The following CORO7 variants were observed in gnomAD, a reference collection of about 807,000 sequenced individuals.
CORO7 encodes coronin-7.
A neutral mutation model predicts 126.6 loss-of-function variants in CORO7; 107 were observed. The ratio of observed to expected loss-of-function variants is 0.85; its 90% CI spans 0.72 to 0.99. CORO7 has a LOEUF of 0.99. Among genes scored for constraint, CORO7 ranks in the 50% least tolerant of loss-of-function variants. CORO7 has a pLI of 0.00. For synonymous variants in CORO7, 603 were observed against 536.8 expected, an observed-to-expected ratio of 1.12 and a Z score of -1.70; for missense variants, 1,314 against 1,255.8, an observed-to-expected ratio of 1.05 and a Z score of -0.70.
chr16:4,388,775 C>T lies in CORO7; in HGVS notation c.616-144G>A, dbSNP rs548869544. The stretch of plus-strand genomic sequence containing the variant: ...GTGGGAAGGGCTGGGTCCTTCTCCA[C>T]GTCCCCACTGGGACCAAGGGTGGTC... On this transcript the variant is annotated intron_variant, in intron 7 of 27. Transcript: ENST00000251166. The T allele has an allele frequency of 1.1e-4, 101 of 892,874 alleles. No homozygotes were observed. In the East Asian group the frequency reaches 1.5e-3, roughly 14 times the overall value. 55.3% of individuals were successfully genotyped at this position (892,874 alleles called of 1,614,324 possible). A position where few individuals can be genotyped will look rare whatever the true frequency, so the allele number is the denominator to read the frequency against.
chr16:4,388,128 C>G (rs776449965), intron 8 of CORO7, 60 bp from the exon 9 acceptor site: 207 of 1,562,206 alleles, frequency 1.3e-4, no homozygotes, highest in Non-Finnish European at 1.7e-4. Flanking sequence ...ACCCGGGGGG[C>G]TCCCAGGGAA....
Position 4,412,401 on chromosome 16 carries a change from G to C in CORO7, c.187C>G (p.Gln63Glu). The part of the protein sequence containing the change: ...GVLGIVPLQG[Q>E]GEDKRRVAHL... ...GCCACGCGTCGCTTGTCCTCTCCTT[G>C]GCCTTGCAGAGGCACAATGCCCAGT... Residue 63 changes from glutamine to glutamate, a missense_variant, in exon 3 of 28, where the codon CAA (glutamine) becomes GAA (glutamate). Coordinates refer to ENST00000251166, the MANE Select transcript of CORO7 (RefSeq NM_024535.5). The C allele has an allele frequency of 1.2e-6, 2 of 1,614,122 alleles. No individual in the cohort carries two copies. The highest frequency in any genetic ancestry group is 1.3e-5 in the African/African-American group (1 of 75,016).
At position 4,364,705 on chromosome 16, in the gene CORO7, C is replaced by G. The variant is rs375428900; in HGVS notation, c.1045-16G>C. 1.3e-6 allele frequency: 2 copies of G among 1,586,416 alleles called. No homozygotes were observed. The highest frequency in any genetic ancestry group is 1.7e-6 in the Non-Finnish European group (2 of 1,167,020). ...ACTCCACAGCCTGGCCGCAGACAAG[C>G]AGGCAGCTAGTGAGGCCCAGGCCCC... is the stretch of plus-strand genomic sequence containing the variant. On this transcript the variant is annotated splice_polypyrimidine_tract_variant and intron_variant, in intron 12 of 27. Coordinates refer to ENST00000251166, the MANE Select transcript of CORO7 (RefSeq NM_024535.5).
At chr16:4,364,546 GC>G (rs1219767846) in intron 13 of CORO7, 50 bp downstream of exon 13, 1 of 1,528,970 alleles carries the variant, frequency 6.5e-7, no homozygotes, top group Admixed American at 2.0e-5. Context: ...GCCACACGGG[GC>G]TACCAGGGAC....
intron 9 of CORO7, among the ~76,000 whole-genome samples, chr16:4,371,682 G>A (rs191942487): frequency 1.2e-4 from 18 of 152,390 alleles, no homozygotes; most frequent in African/African-American, 3.8e-4. Flanking sequence ...GCGCAGGTCA[G>A]GTGGCCGCAG....
At chr16:4,408,401 T>C in intron 3 of CORO7, 150 bp from the exon 4 acceptor site, 5 of 1,150,054 alleles carry the variant, frequency 4.3e-6, no homozygotes, top group Non-Finnish European at 6.2e-6. Context: ...TGGGGGCAAA[T>C]GCCACAGGCC....
At chr16:4,379,321 G>A (rs189900270) in intron 9 of CORO7, among the ~76,000 whole-genome samples, 285 of 152,206 alleles carry the variant, frequency 1.9e-3, no homozygotes, top group African/African-American at 6.3e-3. Context: ...GTGCCAAAGT[G>A]GGGAGGGCTC....
chr16:4,359,444 C>T, intron 22 of CORO7, 36 bp downstream of exon 22: 6 of 1,613,482 alleles, frequency 3.7e-6, no homozygotes, highest in Non-Finnish European at 5.1e-6. Flanking sequence ...CCCCCACCAC[C>T]TCTCACCTGC....
rs767505758 is a variant in CORO7, at chr16:4,407,654, G to C, written c.334C>G (p.Gln112Glu). Residue 112 changes from glutamine (Q) to glutamate (E), a missense_variant, in exon 5 of 28, where the codon CAG (glutamine) becomes GAG (glutamate). Gln to Glu is a conservative substitution (Grantham distance 29, BLOSUM62 2). Transcript: ENST00000251166. ...VKLWRLPGPG[Q>E]ALPSAPGVVL... ...ACCCCGGGTGCTGAGGGCAGGGCCT[G>C]GCCAGGCCCTGGCAGTCGCCAGAGT... The C allele has an allele frequency of 6.2e-7, 1 of 1,603,564 alleles. No individual in the cohort carries two copies. The highest frequency in any genetic ancestry group is 8.5e-7 in the Non-Finnish European group (1 of 1,176,248).
intron 3 of CORO7, among the ~76,000 whole-genome samples, chr16:4,410,997 A>T (rs2056185558): frequency 6.6e-6 from 1 of 152,230 alleles, no homozygotes; most frequent in Non-Finnish European, 1.5e-5. Context: ...TGGAGGTGGA[A>T]ATGGATTAAC....
chr16:4,373,133 G>A (rs2054593002), intron 9 of CORO7, among the ~76,000 whole-genome samples: 1 of 152,178 alleles, frequency 6.6e-6, no homozygotes, highest in African/African-American at 2.4e-5. Context: ...AACAGAGCTG[G>A]GGCAGGCGGG....
chr16:4,388,130 C>T (rs759189830), intron 8 of CORO7, 62 bp from the exon 9 acceptor site: 5 of 1,551,660 alleles, frequency 3.2e-6, no homozygotes, highest in Non-Finnish European at 4.4e-6. Context: ...CCGGGGGGCT[C>T]CCAGGGAAAC....
intron 7 of CORO7, among the ~76,000 whole-genome samples, chr16:4,394,309 C>T (rs944796978): frequency 3.6e-4 from 54 of 151,922 alleles, no homozygotes; most frequent in African/African-American, 1.2e-3. Flanking sequence ...AATAGCCGGG[C>T]GTGGTGGCGG....
chr16:4,355,360 T>C lies in CORO7; in HGVS notation c.2698A>G (p.Met900Val), dbSNP rs1253888268. 4.3e-6 allele frequency: 7 copies of C among 1,610,990 alleles called. No individual in the cohort carries two copies. The highest frequency in any genetic ancestry group is 2.2e-5 in the East Asian group (1 of 44,884). The change falls in exon 27 of 28, where the codon ATG becomes GTG. Residue 900 changes from methionine to valine, a missense_variant. By Grantham distance (21) the Met-to-Val change is conservative. Coordinates refer to ENST00000251166, the MANE Select transcript of CORO7 (RefSeq NM_024535.5). ...TCCCGGTTCCCCAGTTTTGCCACCA[T>C]GGCATTCAGCAGCTGGGAGAGAGGG... ...QQKKEELLNAMVAKLGNREDP... is the reference protein window; with the variant it reads ...QQKKEELLNAVVAKLGNREDP...
chr16:4,387,060 G>A (rs1024701369), intron 9 of CORO7, among the ~76,000 whole-genome samples: 5 of 152,176 alleles, frequency 3.3e-5, no homozygotes, highest in East Asian at 3.9e-4. Context: ...TGACATTCTC[G>A]GATCCCCCTG....
At chr16:4,403,257 G>C (rs2055878550) in intron 6 of CORO7, among the ~76,000 whole-genome samples, 1 of 152,174 alleles carries the variant, frequency 6.6e-6, no homozygotes, top group Admixed American at 6.5e-5. Flanking sequence ...CCCTACCACA[G>C]TCAGGCCGCC....
chr16:4,389,132 G>T (rs1266310093), intron 7 of CORO7, among the ~76,000 whole-genome samples: 3 of 152,322 alleles, frequency 2.0e-5, no homozygotes, highest in African/African-American at 7.2e-5. Flanking sequence ...CGTGTAAACT[G>T]GGGGATTTCG....
intron 7 of CORO7, among the ~76,000 whole-genome samples, chr16:4,392,719 T>A (rs1415727231): frequency 6.6e-6 from 1 of 152,218 alleles, no homozygotes; most frequent in Non-Finnish European, 1.5e-5. Context: ...GCCCCTCGGC[T>A]CACACCGGCC....
Position 4,360,346 on chromosome 16 carries a change from C to T in CORO7, c.2040G>A (p.Lys680=), listed in dbSNP as rs1230372481. 7 of 1,613,614 alleles carry T rather than the reference C, an allele frequency of 4.3e-6. No individual in the cohort carries two copies. The East Asian group carries it at 1.6e-4, about 36-fold the overall frequency. The change falls in exon 21 of 28, where the codon AAG becomes AAA. Residue 680 remains lysine, a synonymous_variant. Transcript: ENST00000251166. The stretch of plus-strand genomic sequence containing the variant: ...AGACAATGCGAGCTCCGCGTCCTCC[C>T]TTGGGCCCTGGGCCTTCCTGTTGAG... The part of the protein sequence containing the change: ...PEPLQEGPGP[K]GGRGARIVWV...
Sources: allele counts gnomAD v4.1 joint callset (sites outside exome capture counted in the v4.1 genomes callset), GRCh38; gene constraint gnomAD v4.1.1; transcripts MANE v1.5; gene names NCBI Gene and HGNC (gene_info 2026-07-23, HGNC 2026-07-21).